Variants in HDAC4 observed in about 807,000 individuals in gnomAD.
The protein encoded by HDAC4 is histone deacetylase A.
Under a neutral mutation model 135.1 loss-of-function variants are expected in HDAC4, and 16 were observed. That is an observed-to-expected ratio of 0.12 (90% CI 0.08 to 0.18). The LOEUF (loss-of-function observed/expected upper bound fraction) is 0.18, where lower values mean the gene tolerates loss of function less well. HDAC4 is among the 10% of genes least tolerant of loss of function. HDAC4 has a pLI of 1.00. For synonymous variants in HDAC4, 685 were observed against 653.4 expected (o/e 1.05, Z -0.74); for missense variants, 1,143 against 1,511.8 (o/e 0.76, Z 4.05).
chr2:239,101,797 A>C (rs552667395), intron 16 of HDAC4, among the ~76,000 whole-genome samples: 1 of 151,392 alleles, frequency 6.6e-6, no homozygotes, highest in South Asian at 2.1e-4. Context: ...GTGCCCTGGA[A>C]GCCCCCGACC....
chr2:239,371,368 C>T lies in HDAC4; in HGVS notation c.-219-18450G>A, dbSNP rs116756522. ...TCAAACACGCACACTCAAACCCATG[C>T]GCTCATATACTAACACTTATACACT... On this transcript the variant is annotated intron_variant, in intron 1 of 26. Transcript: ENST00000543185. Among the ~76,000 whole-genome samples the T allele has an allele frequency of 6.6e-3, 1,010 of 152,204 alleles. 15 individuals carry two copies. Among genetic ancestry groups the T allele is most frequent in the African/African-American group, 0.023 (958 of 41,528 alleles).
At chr2:239,138,763 C>T (rs925193772) in intron 9 of HDAC4, among the ~76,000 whole-genome samples, 1 of 152,208 alleles carries the variant, frequency 6.6e-6, no homozygotes, top group Admixed American at 6.5e-5. Flanking sequence ...GTCCTTGCTG[C>T]CTGCCTGGTT....
intron 2 of HDAC4, among the ~76,000 whole-genome samples, chr2:239,261,652 G>C (rs1421961411): frequency 1.3e-5 from 2 of 152,224 alleles, no homozygotes; most frequent in African/African-American, 4.8e-5. Context: ...TAGAGACAAG[G>C]CTGGACAAGG....
chr2:239,204,068 G>C (rs2045908616), intron 3 of HDAC4, among the ~76,000 whole-genome samples: 1 of 152,194 alleles, frequency 6.6e-6, no homozygotes, highest in South Asian at 2.1e-4. Flanking sequence ...AGAATGAAGG[G>C]AAGAGAATTC....
intron 3 of HDAC4, among the ~76,000 whole-genome samples, chr2:239,215,173 G>A (rs1239409720): frequency 6.6e-6 from 1 of 152,220 alleles, no homozygotes; most frequent in African/African-American, 2.4e-5. Flanking sequence ...AAGCCCTGGG[G>A]CGCTTGGATG....
chr2:239,203,506 T>A (rs1055468708), intron 3 of HDAC4, among the ~76,000 whole-genome samples: 1 of 152,196 alleles, frequency 6.6e-6, no homozygotes, highest in Non-Finnish European at 1.5e-5. Context: ...CCCTCCAGGA[T>A]CACTAACCAG....
chr2:239,155,571 G>C (rs1487487700), intron 7 of HDAC4: 4 of 152,250 alleles, frequency 2.6e-5, no homozygotes, highest in African/African-American at 9.7e-5. Context: ...CAGCTGGCCT[G>C]ATATGACCCT....
rs929316364 is a variant in HDAC4, at chr2:239,245,969, C to T, written c.23-9305G>A. Among the ~76,000 whole-genome samples the T allele has an allele frequency of 2.6e-4, 40 of 152,264 alleles. No individual in the cohort carries two copies. Among genetic ancestry groups the T allele is most frequent in the Non-Finnish European group, 7.4e-5 (5 of 68,014 alleles). On this transcript the variant is annotated intron_variant, in intron 2 of 26. Transcript: ENST00000543185. This position sits in a 1 kb window ranked among gnomAD's most constrained non-coding sequence, Gnocchi z 4.4. ...GAGTGAGCAACGCAGAGGCCTGGCC[C>T]CGGCCCAGCAGAACCGGCAACCCAC...
chr2:239,337,069 G>C (rs535042635), intron 2 of HDAC4, among the ~76,000 whole-genome samples: 3 of 152,182 alleles, frequency 2.0e-5, no homozygotes, highest in Non-Finnish European at 2.9e-5. Flanking sequence ...TGGGGCTATG[G>C]GTTACTGAGA....
At chr2:239,279,610 G>C (rs2050588230) in intron 2 of HDAC4, among the ~76,000 whole-genome samples, 1 of 152,220 alleles carries the variant, frequency 6.6e-6, no homozygotes, top group Admixed American at 6.5e-5. Flanking sequence ...GGTGGAGTGA[G>C]CTGGGACAGC....
At chr2:239,063,694 C>CA (rs1179032622) in intron 24 of HDAC4, among the ~76,000 whole-genome samples, 1 of 152,218 alleles carries the variant, frequency 6.6e-6, no homozygotes, top group Admixed American at 6.5e-5. Context: ...GCCTCCCCCA[C>CA]ACCTGCGAGA....
chr2:239,064,920 C>A (rs1192006399), intron 24 of HDAC4, among the ~76,000 whole-genome samples: 1 of 152,210 alleles, frequency 6.6e-6, no homozygotes, highest in African/African-American at 2.4e-5. Context: ...GAGAGTGGAC[C>A]CTCCCTCTGC....
At chr2:239,219,949 A>G (rs2046858475) in intron 3 of HDAC4, among the ~76,000 whole-genome samples, 1 of 152,246 alleles carries the variant, frequency 6.6e-6, no homozygotes, top group Admixed American at 6.5e-5. Flanking sequence ...CGGCAGAGCA[A>G]ACACACAGGA....
intron 5 of HDAC4, among the ~76,000 whole-genome samples, chr2:239,170,958 T>C (rs2043413892): frequency 6.6e-6 from 1 of 152,170 alleles, no homozygotes; most frequent in Admixed American, 6.5e-5. Context: ...CACCAGGCCT[T>C]TGAAGGCCTG....
intron 1 of HDAC4, among the ~76,000 whole-genome samples, chr2:239,369,009 C>T (rs1301444919): frequency 1.3e-5 from 2 of 152,086 alleles, no homozygotes; most frequent in African/African-American, 4.8e-5. Context: ...ACGGGTGACA[C>T]ACCACTCCCC....
intron 22 of HDAC4, among the ~76,000 whole-genome samples, chr2:239,074,039 G>C (rs558718139): frequency 1.2e-4 from 18 of 146,020 alleles, no homozygotes; most frequent in Admixed American, 3.4e-4. Context: ...AGGACTGAGG[G>C]GGGCAGCAGG....
intron 2 of HDAC4, among the ~76,000 whole-genome samples, chr2:239,257,610 T>C (rs1050236829): frequency 1.3e-5 from 2 of 152,266 alleles, no homozygotes; most frequent in East Asian, 1.9e-4. Context: ...CCACAATAAA[T>C]GGACCCTCAA....
intron 22 of HDAC4, among the ~76,000 whole-genome samples, chr2:239,073,679 G>T (rs908457772): frequency 6.6e-6 from 1 of 152,258 alleles, no homozygotes; most frequent in East Asian, 1.9e-4. Flanking sequence ...CCACCACAAA[G>T]CATGGCGATT....
chr2:239,144,775 T>C, intron 7 of HDAC4, 61 bp from the exon 8 acceptor site: 1 of 1,586,882 alleles, frequency 6.3e-7, no homozygotes. Flanking sequence ...GGTTATCCTG[T>C]TGGTGGTTTT....
Sources: gnomAD v4.1 joint callset for allele counts (sites outside exome capture counted in the v4.1 genomes callset) on GRCh38, gnomAD v4.1.1 for gene constraint, Gnocchi (gnomAD v3.1) non-coding constraint, MANE v1.5 for transcripts, NCBI Gene and HGNC (gene_info 2026-07-23, HGNC 2026-07-21) for gene names.